Variants in LMBR1 observed in about 807,000 individuals in gnomAD.
LMBR1 encodes limb development membrane protein 1.
Under a neutral mutation model 73.9 loss-of-function variants are expected in LMBR1, and 52 were observed. The ratio of observed to expected loss-of-function variants is 0.70; its 90% CI spans 0.56 to 0.89. The LOEUF (loss-of-function observed/expected upper bound fraction) is 0.89. LMBR1 is among the 40% of genes least tolerant of loss of function. The pLI is 0.00. For synonymous variants in LMBR1, 215 were observed against 209.4 expected (o/e 1.03, Z -0.23); for missense variants, 539 against 579.8 (o/e 0.93, Z 0.72).
chr7:156,835,644 G>A (rs1336021262), intron 2 of LMBR1, among the ~76,000 whole-genome samples: 2 of 148,306 alleles, frequency 1.3e-5, no homozygotes, highest in Admixed American at 6.8e-5. Context: ...GCAGTAAGCC[G>A]AGATCGCACC....
At chr7:156,772,289 T>C (rs1383627187) in intron 5 of LMBR1, among the ~76,000 whole-genome samples, 1 of 152,052 alleles carries the variant, frequency 6.6e-6, no homozygotes, top group African/African-American at 2.4e-5. Context: ...GAAAACCACA[T>C]GATCATCTCA....
At chr7:156,887,217 G>A (rs1316175944) in intron 1 of LMBR1, among the ~76,000 whole-genome samples, 1 of 152,154 alleles carries the variant, frequency 6.6e-6, no homozygotes, top group Non-Finnish European at 1.5e-5. Flanking sequence ...TGTAATCCCA[G>A]CACTTTGGGA....
chr7:156,731,003 C>T (rs1271040808), intron 10 of LMBR1, among the ~76,000 whole-genome samples: 1 of 151,556 alleles, frequency 6.6e-6, no homozygotes, highest in Non-Finnish European at 1.5e-5. Flanking sequence ...TCCAGGTGAT[C>T]CATGTATTGG....
At chr7:156,871,556 C>T (rs1159643433) in intron 1 of LMBR1, among the ~76,000 whole-genome samples, 1 of 152,302 alleles carries the variant, frequency 6.6e-6, no homozygotes, top group Non-Finnish European at 1.5e-5. Flanking sequence ...GAAATAGTTG[C>T]TCACTGAATC....
At chr7:156,715,175 C>A (rs991192552) in intron 15 of LMBR1, among the ~76,000 whole-genome samples, 10 of 152,216 alleles carry the variant, frequency 6.6e-5, no homozygotes, top group South Asian at 2.1e-4. Context: ...TGGTCTGGAA[C>A]TACTGGCATC....
intron 4 of LMBR1, among the ~76,000 whole-genome samples, chr7:156,814,269 G>A (rs905434000): frequency 3.9e-5 from 6 of 152,086 alleles, no homozygotes; most frequent in Admixed American, 3.9e-4. Flanking sequence ...AATGTTTTGA[G>A]TTTTCTTAAT....
At chr7:156,800,711 T>C (rs77055313) in intron 4 of LMBR1, among the ~76,000 whole-genome samples, 26,393 of 152,152 alleles carry the variant, frequency 0.17, 2,423 homozygotes, top group South Asian at 0.21. Context: ...CTCTGATGGA[T>C]TGTGCAAAGT....
In LMBR1 at chr7:156,826,645, C is replaced by T; in HGVS notation, c.279G>A (p.Gln93=). ...ISNEILLSFP[Q]NYYIQWLNGS... is the part of the protein sequence containing the mutation. ...CATTTAGCCACTGAATATAGTAGTT[C>T]TGAGGAAAAGAAAGCAGGATTTCAT... Residue 93 remains glutamine, a synonymous_variant, in exon 4 of 17, where the codon CAG becomes CAA. Coordinates refer to ENST00000353442, the MANE Select transcript of LMBR1 (RefSeq NM_022458.4). 6.3e-7 allele frequency: 1 copy of T among 1,596,240 alleles called. No homozygotes were observed. Among genetic ancestry groups the T allele is most frequent in the South Asian group, 1.1e-5 (1 of 88,392 alleles).
At chr7:156,697,202 T>A (rs1403349756) in intron 15 of LMBR1, among the ~76,000 whole-genome samples, 2 of 151,440 alleles carry the variant, frequency 1.3e-5, no homozygotes, top group Non-Finnish European at 1.5e-5. Flanking sequence ...GAACAGGGAG[T>A]AGGTACAAAG....
chr7:156,742,007 C>T (rs529276473), intron 9 of LMBR1, among the ~76,000 whole-genome samples: 287 of 152,130 alleles, frequency 1.9e-3, no homozygotes, highest in African/African-American at 6.2e-3. Flanking sequence ...CAAAACTATA[C>T]AAACACATGG....
At position 156,679,352 on chromosome 7, in the gene LMBR1, G is replaced by C. The variant is rs1804615501; in HGVS notation, c.*4726C>G. 6.6e-6 allele frequency: 1 copy of C among 152,268 alleles called. No homozygotes were observed. Among genetic ancestry groups the C allele is most frequent in the Non-Finnish European group, 1.5e-5 (1 of 68,096 alleles). The allele number at this position is 152,268 out of a possible 1,614,324, so 9.4% of individuals were successfully genotyped here. A position where few individuals can be genotyped will look rare whatever the true frequency, so the allele number is the denominator to read the frequency against. ...GAATCACTCTTCAGACTGAAGGATAGCCAGGCCAGAGAGGTGGCGAGGAGG... is the reference window on the plus strand; with the variant it reads ...GAATCACTCTTCAGACTGAAGGATACCCAGGCCAGAGAGGTGGCGAGGAGG... On this transcript the variant is annotated 3_prime_UTR_variant, in exon 17 of 17. Transcript: ENST00000353442.
rs1563305838 is a variant in LMBR1 at position 156,763,804 on chromosome 7, T to C, written c.424-9A>G. ...ATGCGGGCTCGGATTCCCTGAAAAA[T>C]AGAGTAGAAATATAATTTTAGTATT... is the stretch of plus-strand genomic sequence containing the variant. On this transcript the variant is annotated splice_polypyrimidine_tract_variant and intron_variant, in intron 5 of 16. Transcript: ENST00000353442. 1.9e-6 allele frequency: 3 copies of C among 1,579,276 alleles called. No homozygotes were observed. The highest frequency in any genetic ancestry group is 2.8e-5 in the African/African-American group (2 of 72,478).
chr7:156,718,805 T>G (rs1813802906), intron 15 of LMBR1, among the ~76,000 whole-genome samples: 1 of 152,030 alleles, frequency 6.6e-6, no homozygotes, highest in African/African-American at 2.4e-5. Context: ...ATTAGACCCT[T>G]ACGATCATTT....
At chr7:156,763,042 C>T (rs1823408040) in intron 7 of LMBR1, 66 bp downstream of exon 7, 2 of 827,184 alleles carry the variant, frequency 2.4e-6, no homozygotes, top group Non-Finnish European at 3.9e-6. Flanking sequence ...CAGAAAACTT[C>T]CCTGAATTTT....
At chr7:156,692,114 C>A (rs375870444) in intron 15 of LMBR1, among the ~76,000 whole-genome samples, 25 of 152,144 alleles carry the variant, frequency 1.6e-4, no homozygotes, top group African/African-American at 6.0e-4. Context: ...TTGCACTTGT[C>A]GCCCAGGCTG....
At chr7:156,883,792 A>G (rs564556648) in intron 1 of LMBR1, among the ~76,000 whole-genome samples, 1 of 152,162 alleles carries the variant, frequency 6.6e-6, no homozygotes, top group African/African-American at 2.4e-5. Context: ...CTCTGTCATC[A>G]CATCTCCTCT....
chr7:156,807,250 A>G (rs992387719), intron 4 of LMBR1, among the ~76,000 whole-genome samples: 1 of 152,210 alleles, frequency 6.6e-6, no homozygotes, highest in African/African-American at 2.4e-5. Flanking sequence ...TCAGTGAATT[A>G]GGAAATGTTC....
chr7:156,858,885 G>C (rs1460209581), intron 1 of LMBR1, among the ~76,000 whole-genome samples: 1 of 151,782 alleles, frequency 6.6e-6, no homozygotes, highest in East Asian at 1.9e-4. Context: ...TCAGAAACCT[G>C]TGAATAAAAA....
At chr7:156,845,860 GAAGT>G (rs1839494105) in intron 1 of LMBR1, among the ~76,000 whole-genome samples, 1 of 151,936 alleles carries the variant, frequency 6.6e-6, no homozygotes, top group Non-Finnish European at 1.5e-5. Flanking sequence ...GCAAAAGTGT[GAAGT>G]AAGACAAAGT....
Sources: allele counts gnomAD v4.1 joint callset (sites outside exome capture counted in the v4.1 genomes callset), GRCh38; gene constraint gnomAD v4.1.1; transcripts MANE v1.5; gene names NCBI Gene and HGNC (gene_info 2026-07-23, HGNC 2026-07-21).